Variants in PIK3R6 observed in about 807,000 individuals in gnomAD.
PIK3R6 encodes phosphoinositide-3-kinase regulatory subunit 6.
A neutral mutation model predicts 84.9 loss-of-function variants in PIK3R6; 91 were observed. The ratio of observed to expected loss-of-function variants is 1.07; its 90% CI spans 0.90 to 1.28. PIK3R6 has a LOEUF of 1.28. Among genes scored for constraint, PIK3R6 ranks in the 50% most tolerant of loss-of-function variants. The pLI is 0.00. For synonymous variants in PIK3R6, 416 were observed against 411.4 expected (o/e 1.01, Z -0.13); for missense variants, 996 against 985.1 (o/e 1.01, Z -0.15).
intron 18 of PIK3R6, among the ~76,000 whole-genome samples, chr17:8,813,253 TA>T (rs553989214): frequency 3.3e-4 from 49 of 150,084 alleles, no homozygotes; most frequent in Admixed American, 1.7e-3. Flanking sequence ...GAATTAGTAA[TA>T]AAAAAAACTC....
chr17:8,853,007 TA>T (rs2089015661), intron 1 of PIK3R6, among the ~76,000 whole-genome samples: 1 of 151,726 alleles, frequency 6.6e-6, no homozygotes, highest in Admixed American at 6.6e-5. Context: ...CAGCATTCAT[TA>T]AAACATTGTT....
intron 18 of PIK3R6, among the ~76,000 whole-genome samples, chr17:8,816,719 CAAT>C (rs2087553968): frequency 6.6e-6 from 1 of 152,044 alleles, no homozygotes; most frequent in African/African-American, 2.4e-5. Flanking sequence ...AGAAACAAAA[CAAT>C]GAAAAGTTTG....
At position 8,823,135 on chromosome 17, in the gene PIK3R6, A is replaced by T. The variant is rs1289769313; in HGVS notation, c.1627-49T>A. 2.9e-6 allele frequency: 4 copies of T among 1,396,928 alleles called. No individual in the cohort carries two copies. In the African/African-American group the frequency reaches 5.7e-5, roughly 20 times the overall value. 86.5% of individuals were successfully genotyped at this position (1,396,928 alleles called of 1,614,324 possible). A position where few individuals can be genotyped will look rare whatever the true frequency, so the allele number is the denominator to read the frequency against. ...CATTTCCTGGTGTGATTTCCAAATC[A>T]CTCTATCCCTGATTTCCAGGGATCC... On this transcript the variant is annotated intron_variant, in intron 14 of 19. Coordinates refer to ENST00000619866, the MANE Select transcript of PIK3R6 (RefSeq NM_001010855.4).
At chr17:8,855,942 T>G (rs912129416) in intron 1 of PIK3R6, among the ~76,000 whole-genome samples, 1 of 152,206 alleles carries the variant, frequency 6.6e-6, no homozygotes, top group Admixed American at 6.5e-5. Context: ...ATGCCTTCAG[T>G]GGGTACGTGA....
intron 16 of PIK3R6, 33 bp from the exon 17 acceptor site, chr17:8,821,969 G>T (rs1164386646): frequency 2.0e-6 from 3 of 1,510,594 alleles, no homozygotes; most frequent in Middle Eastern, 1.7e-4. Context: ...AGGTGGAGGT[G>T]CTCAGGACAT....
intron 1 of PIK3R6, among the ~76,000 whole-genome samples, chr17:8,863,732 A>G (rs1484930594): frequency 6.6e-6 from 1 of 152,070 alleles, no homozygotes; most frequent in Non-Finnish European, 1.5e-5. Context: ...ATGGGGTTTC[A>G]CCATGTTGGC....
At chr17:8,805,288 T>C (rs2087169230) in intron 18 of PIK3R6, among the ~76,000 whole-genome samples, 1 of 152,206 alleles carries the variant, frequency 6.6e-6, no homozygotes, top group South Asian at 2.1e-4. Context: ...TGAGATAGTA[T>C]ATATTAAGTG....
intron 13 of PIK3R6, 58 bp downstream of exon 13, chr17:8,827,114 C>T: frequency 1.3e-6 from 2 of 1,581,010 alleles, no homozygotes; most frequent in Non-Finnish European, 1.7e-6. Context: ...GTTCTCCCCT[C>T]TGCCCAGACC....
intron 1 of PIK3R6, among the ~76,000 whole-genome samples, chr17:8,851,495 C>CCAAAA (rs564065008): frequency 9.1e-4 from 139 of 152,050 alleles, no homozygotes; most frequent in African/African-American, 2.8e-3. Context: ...AGACTCCGTC[C>CCAAAA]CAAAACAAAA....
At chr17:8,851,771 C>G (rs556352969) in intron 1 of PIK3R6, among the ~76,000 whole-genome samples, 1 of 152,224 alleles carries the variant, frequency 6.6e-6, no homozygotes, top group South Asian at 2.1e-4. Flanking sequence ...GGTAAAGACC[C>G]AAACGAATTG....
At chr17:8,849,963 A>C (rs1033466614) in intron 1 of PIK3R6, 78 bp from the exon 2 acceptor site, 32 of 823,814 alleles carry the variant, frequency 3.9e-5, no homozygotes, top group Admixed American at 1.4e-4. Context: ...AGAAGCTCCT[A>C]AGGGACCTAG....
At chr17:8,825,823 T>A (rs138635032) in intron 13 of PIK3R6, among the ~76,000 whole-genome samples, 22 of 152,332 alleles carry the variant, frequency 1.4e-4, no homozygotes, top group Non-Finnish European at 2.5e-4. Context: ...AAGTGCTATG[T>A]CTGACTACAC....
At chr17:8,825,116 G>C (rs529988629) in intron 13 of PIK3R6, among the ~76,000 whole-genome samples, 86 of 152,200 alleles carry the variant, frequency 5.7e-4, no homozygotes, top group African/African-American at 1.9e-3. Flanking sequence ...TATCACACAC[G>C]AGTAATAAAT....
chr17:8,828,113 T>A lies in PIK3R6; in HGVS notation c.1391A>T (p.Glu464Val), dbSNP rs762809880. The A allele has an allele frequency of 1.8e-5, 29 of 1,613,702 alleles. No individual in the cohort carries two copies. The highest frequency in any genetic ancestry group is 2.3e-5 in the Non-Finnish European group (27 of 1,179,800). ...QLYYIPVLAP[E>V]KPAASRQPEL... ...ACCGCCTCCCCGCGGTCCAGTCACCTCAGGCGCCAGCACGGGGATGTAGTA... is the reference window on the plus strand; with the variant it reads ...ACCGCCTCCCCGCGGTCCAGTCACCACAGGCGCCAGCACGGGGATGTAGTA... The change falls in exon 12 of 20, where the codon GAG (glutamate) becomes GTG (valine). Residue 464 changes from glutamate (E) to valine (V), a missense_variant and splice_region_variant. By Grantham distance (121) the Glu-to-Val change is moderately radical. Transcript: ENST00000619866.
At chr17:8,859,885 T>C (rs1032810737) in intron 1 of PIK3R6, among the ~76,000 whole-genome samples, 4 of 152,144 alleles carry the variant, frequency 2.6e-5, no homozygotes, top group African/African-American at 9.7e-5. Context: ...AGCCAATCCC[T>C]GCTAATACAT....
At chr17:8,822,556 C>A in intron 16 of PIK3R6, 31 bp downstream of exon 16, 3 of 1,611,438 alleles carry the variant, frequency 1.9e-6, no homozygotes, top group Non-Finnish European at 2.5e-6. Context: ...TACCTCTTGG[C>A]TACCTACTGA....
At chr17:8,866,225 A>G (rs747498069) in intron 1 of PIK3R6, among the ~76,000 whole-genome samples, 56 of 151,948 alleles carry the variant, frequency 3.7e-4, no homozygotes, top group Non-Finnish European at 6.2e-4. Flanking sequence ...ATATTTGAAA[A>G]CCACATAGAG....
intron 17 of PIK3R6, among the ~76,000 whole-genome samples, chr17:8,820,677 T>A (rs2087705578): frequency 6.6e-6 from 1 of 152,204 alleles, no homozygotes; most frequent in South Asian, 2.1e-4. Flanking sequence ...CTGGAAGCAA[T>A]TTTATTAGGA....
At chr17:8,827,544 G>A (rs527911975) in intron 12 of PIK3R6, among the ~76,000 whole-genome samples, 54 of 152,228 alleles carry the variant, frequency 3.5e-4, no homozygotes, top group African/African-American at 1.3e-3. Flanking sequence ...GACAAGTATG[G>A]CTTTGACCTT....
Sources: allele counts gnomAD v4.1 joint callset (sites outside exome capture counted in the v4.1 genomes callset), GRCh38; gene constraint gnomAD v4.1.1; transcripts MANE v1.5; gene names NCBI Gene and HGNC (gene_info 2026-07-23, HGNC 2026-07-21).